LINGO2: variants seen among roughly 807,000 people sequenced by gnomAD.
The protein encoded by LINGO2 is leucine-rich repeat and immunoglobulin-like domain-containing nogo receptor-interacting protein 2.
Under a neutral mutation model 30.6 loss-of-function variants are expected in LINGO2, and 14 were observed. The ratio of observed to expected loss-of-function variants is 0.46; its 90% confidence interval spans 0.30 to 0.72. LINGO2 has a LOEUF of 0.72. Among genes scored for constraint, LINGO2 ranks in the 30% least tolerant of loss-of-function variants. The pLI, the probability that LINGO2 is intolerant of heterozygous loss-of-function variation, is 0.07. For missense variants in LINGO2, 729 were observed against 751.7 expected (o/e 0.97, Z 0.35); for synonymous variants, 317 against 288.5 (o/e 1.10, Z -1.00).
the LINGO2 span, among the ~76,000 whole-genome samples, chr9:28,806,355 G>A: frequency 6.6e-6 from 1 of 152,136 alleles, no homozygotes; most frequent in Non-Finnish European, 1.5e-5. Context: ...GCTATCTCAG[G>A]TGTATTTACT....
chr9:28,320,944 T>G (rs1035547655), intron 3 of LINGO2, among the ~76,000 whole-genome samples: 12 of 152,188 alleles, frequency 7.9e-5, no homozygotes, highest in African/African-American at 2.4e-4. Context: ...ATGGTCTGAT[T>G]GACAGCATCA....
At chr9:28,314,413 G>A (rs1824757198) in intron 3 of LINGO2, among the ~76,000 whole-genome samples, 1 of 152,122 alleles carries the variant, frequency 6.6e-6, no homozygotes, top group African/African-American at 2.4e-5. Context: ...TTTTAGAGGA[G>A]AAAAGGAGCT....
chr9:29,045,984 T>G, the LINGO2 span, among the ~76,000 whole-genome samples: 1 of 152,142 alleles, frequency 6.6e-6, no homozygotes, highest in Admixed American at 6.5e-5. Flanking sequence ...TATATTAATT[T>G]TGTATCCTGC....
the LINGO2 span, among the ~76,000 whole-genome samples, chr9:28,717,059 A>AT: frequency 1.3e-3 from 193 of 151,612 alleles, 2 homozygotes; most frequent in African/African-American, 4.5e-3. Context: ...TGAGACAGCA[A>AT]TTTTTTTTTC....
chr9:28,749,431 A>G, the LINGO2 span, among the ~76,000 whole-genome samples: 1 of 152,026 alleles, frequency 6.6e-6, no homozygotes, highest in African/African-American at 2.4e-5. Flanking sequence ...TTTATTTAAG[A>G]AACCTCAATT....
chr9:28,855,914 T>C, the LINGO2 span, among the ~76,000 whole-genome samples: 1 of 152,082 alleles, frequency 6.6e-6, no homozygotes, highest in Non-Finnish European at 1.5e-5. Flanking sequence ...TCAGGCTTTC[T>C]AGCTGGACTG....
the LINGO2 span, among the ~76,000 whole-genome samples, chr9:28,758,657 C>A: frequency 2.0e-5 from 3 of 152,064 alleles, no homozygotes; most frequent in Admixed American, 6.5e-5. Context: ...GTTCACTCAT[C>A]ATCTGGATGG....
At chr9:28,668,753 A>T (rs1828900519) in intron 1 of LINGO2, among the ~76,000 whole-genome samples, 4 of 152,302 alleles carry the variant, frequency 2.6e-5, no homozygotes, top group African/African-American at 9.6e-5. Flanking sequence ...ATTACATTTC[A>T]CTGTGTCTTG....
intron 3 of LINGO2, among the ~76,000 whole-genome samples, chr9:28,355,871 T>A (rs1346317467): frequency 6.6e-6 from 1 of 152,180 alleles, no homozygotes. Flanking sequence ...AGCGTGAGTA[T>A]CATCATGCTA....
intron 3 of LINGO2, among the ~76,000 whole-genome samples, chr9:28,322,661 A>T (rs1825089531): frequency 6.6e-6 from 1 of 152,192 alleles, no homozygotes; most frequent in Non-Finnish European, 1.5e-5. Context: ...ACTGTCATGT[A>T]CTGATTGTCT....
At chr9:28,146,562 CT>C (rs57672729) in intron 4 of LINGO2, among the ~76,000 whole-genome samples, 66,213 of 149,244 alleles carry the variant, frequency 0.44, 15,643 homozygotes, top group East Asian at 0.64. Context: ...TGGTAAAAAT[CT>C]TTTTTTTTTT....
intron 1 of LINGO2, among the ~76,000 whole-genome samples, chr9:28,548,087 G>C (rs1251992923): frequency 6.6e-6 from 1 of 152,102 alleles, no homozygotes; most frequent in East Asian, 1.9e-4. Flanking sequence ...AGAGCTCACA[G>C]ATCCTCCCTA....
At chr9:28,528,286 G>A (rs564690182) in intron 1 of LINGO2, among the ~76,000 whole-genome samples, 41 of 152,302 alleles carry the variant, frequency 2.7e-4, no homozygotes, top group African/African-American at 9.4e-4. Context: ...ATAAAGCAAT[G>A]CACAATTCAG....
At chr9:28,284,253 G>A (rs1040941520) in intron 4 of LINGO2, among the ~76,000 whole-genome samples, 2 of 152,116 alleles carry the variant, frequency 1.3e-5, no homozygotes, top group African/African-American at 4.8e-5. Context: ...TGCCGACTTT[G>A]CTGATGTTGG....
chr9:28,672,822 G>T (rs1829073255), upstream of LINGO2, among the ~76,000 whole-genome samples: 1 of 152,062 alleles, frequency 6.6e-6, no homozygotes, highest in Admixed American at 6.6e-5. Flanking sequence ...TATCTTTGAG[G>T]AAGAAGAAAT....
At chr9:28,851,822 G>C in the LINGO2 span, among the ~76,000 whole-genome samples, 1 of 151,864 alleles carries the variant, frequency 6.6e-6, no homozygotes, top group African/African-American at 2.4e-5. Flanking sequence ...AGTAAATCAT[G>C]AGAAGTTATA....
At chr9:28,929,780 C>A in the LINGO2 span, among the ~76,000 whole-genome samples, 1 of 152,038 alleles carries the variant, frequency 6.6e-6, no homozygotes, top group East Asian at 1.9e-4. Context: ...AATATAAATA[C>A]AAAATACAAA....
chr9:29,076,619 TAATA>T, the LINGO2 span, among the ~76,000 whole-genome samples: 23,910 of 142,016 alleles, frequency 0.17, 2,062 homozygotes, highest in East Asian at 0.34. Context: ...ATAATAGATA[TAATA>T]AATAAATAAA....
intron 2 of LINGO2, among the ~76,000 whole-genome samples, chr9:28,386,619 T>C (rs1009376728): frequency 4.6e-5 from 7 of 152,176 alleles, no homozygotes; most frequent in Non-Finnish European, 7.4e-5. Flanking sequence ...AAAACAATCA[T>C]AGTTGCTTAC....
Sources: gnomAD v4.1 joint callset for allele counts (sites outside exome capture counted in the v4.1 genomes callset) on GRCh38, gnomAD v4.1.1 for gene constraint, MANE v1.5 for transcripts, NCBI Gene and HGNC (gene_info 2026-07-23, HGNC 2026-07-21) for gene names.